Variants in RBM46 observed in about 807,000 individuals in gnomAD.
The protein encoded by RBM46 is probable RNA-binding protein 46.
In RBM46, 12 loss-of-function variants were observed where a neutral mutation model predicts 43.3. That is an observed-to-expected ratio of 0.28 (90% CI 0.18 to 0.45). The LOEUF (loss-of-function observed/expected upper bound fraction) is 0.45, where lower values mean the gene tolerates loss of function less well. Among genes scored for constraint, RBM46 ranks in the 20% least tolerant of loss-of-function variants. The probability of loss-of-function intolerance (pLI) is 1.00; values close to 1 mark genes in which losing one functional copy is unlikely to be tolerated. For synonymous variants in RBM46, 205 were observed against 207.6 expected (o/e 0.99, Z 0.11); for missense variants, 412 against 639.1 (o/e 0.64, Z 3.83).
In RBM46 at chr4:154,790,957, G is replaced by A. The variant is rs572529677; in HGVS notation, c.-11-5785G>A. ...GCTGAATTTCAACCGACAATAGCAT[G>A]CAGCTTTGTAGAACACCATTGTGCT... On this transcript the variant is annotated intron_variant, in intron 1 of 4. Transcript: ENST00000281722. 3.3e-5 allele frequency among the ~76,000 whole-genome samples: 5 copies of A among 152,338 alleles called. No homozygotes were observed. The South Asian group carries it at 1.0e-3, about 32-fold the overall frequency.
chr4:154,784,020 T>C (rs1327839876), intron 1 of RBM46, among the ~76,000 whole-genome samples: 2 of 152,144 alleles, frequency 1.3e-5, no homozygotes. Context: ...TGGCAACCAT[T>C]GACCTGGCAA....
At chr4:154,806,416 A>C (rs1368214322) in intron 4 of RBM46, among the ~76,000 whole-genome samples, 1 of 151,800 alleles carries the variant, frequency 6.6e-6, no homozygotes, top group Non-Finnish European at 1.5e-5. Context: ...TTATTTAGTA[A>C]GTTTTAAGGA....
intron 1 of RBM46, among the ~76,000 whole-genome samples, chr4:154,785,881 A>G (rs1232959985): frequency 6.6e-6 from 1 of 152,146 alleles, no homozygotes; most frequent in African/African-American, 2.4e-5. Context: ...TCTTGTCTAC[A>G]GTATTGGAGG....
At chr4:154,821,703 A>G (rs1002708112) in intron 4 of RBM46, among the ~76,000 whole-genome samples, 1 of 151,582 alleles carries the variant, frequency 6.6e-6, no homozygotes, top group Non-Finnish European at 1.5e-5. Flanking sequence ...TTGAGTTTTT[A>G]ATTGCTGTGG....
In RBM46 at chr4:154,828,240, T is replaced by C. The variant is rs1736059894; in HGVS notation, c.*173T>C. The C allele has an allele frequency of 1.7e-6, 1 of 591,810 alleles. No individual in the cohort carries two copies. The highest frequency in any genetic ancestry group is 3.0e-6 in the Non-Finnish European group (1 of 337,570). 36.7% of individuals were successfully genotyped at this position (591,810 alleles called of 1,614,324 possible). On this transcript the variant is annotated 3_prime_UTR_variant, in exon 5 of 5. Coordinates refer to ENST00000281722, the MANE Select transcript of RBM46 (RefSeq NM_144979.5). Reference sequence around the variant, plus strand: ...CAGAATAACATGGAGTTGTAGAATTTATAAAAATGCAAAGTTTAAAAAGTT... The same window carrying C: ...CAGAATAACATGGAGTTGTAGAATTCATAAAAATGCAAAGTTTAAAAAGTT...
intron 1 of RBM46, among the ~76,000 whole-genome samples, chr4:154,783,137 A>G (rs188035646): frequency 1.6e-4 from 25 of 152,322 alleles, no homozygotes; most frequent in Admixed American, 6.5e-4. Flanking sequence ...TTGCATCTTT[A>G]TAGACATAAA....
intron 4 of RBM46, among the ~76,000 whole-genome samples, chr4:154,812,485 GAT>G (rs1368576022): frequency 6.6e-6 from 1 of 152,262 alleles, no homozygotes; most frequent in African/African-American, 2.4e-5. Flanking sequence ...GGTGGCAGAT[GAT>G]ATATGTCTTT....
At chr4:154,814,942 G>A (rs779519104) in intron 4 of RBM46, among the ~76,000 whole-genome samples, 1 of 150,582 alleles carries the variant, frequency 6.6e-6, no homozygotes, top group Non-Finnish European at 1.5e-5. Context: ...GGACTATGTC[G>A]GTATAACTCA....
At chr4:154,788,946 T>C (rs1401906189) in intron 1 of RBM46, among the ~76,000 whole-genome samples, 1 of 152,104 alleles carries the variant, frequency 6.6e-6, no homozygotes, top group Non-Finnish European at 1.5e-5. Flanking sequence ...TTTGAAGCAA[T>C]TGTGAATTGC....
At chr4:154,827,303 T>C (rs1298271823) in intron 4 of RBM46, 3 of 950,794 alleles carry the variant, frequency 3.2e-6, no homozygotes, top group South Asian at 4.9e-5. Context: ...TATACTGTTT[T>C]ATCATACCAG....
At chr4:154,806,949 C>G (rs1734936243) in intron 4 of RBM46, among the ~76,000 whole-genome samples, 1 of 151,698 alleles carries the variant, frequency 6.6e-6, no homozygotes, top group Non-Finnish European at 1.5e-5. Context: ...CTTCATAAAT[C>G]TATTTGATCA....
At chr4:154,820,505 T>C in intron 4 of RBM46, 2 of 745,350 alleles carry the variant, frequency 2.7e-6, no homozygotes, top group South Asian at 2.3e-5. Flanking sequence ...AATTGTTCTT[T>C]ATAATGAAAA....
intron 1 of RBM46, among the ~76,000 whole-genome samples, chr4:154,786,938 A>G (rs1733803302): frequency 6.6e-6 from 1 of 152,166 alleles, no homozygotes; most frequent in Admixed American, 6.5e-5. Flanking sequence ...GAAAACAAAA[A>G]CAATAACTGT....
chr4:154,826,116 A>G (rs156559), intron 4 of RBM46, among the ~76,000 whole-genome samples: 4,845 of 151,670 alleles, frequency 0.032, 278 homozygotes, highest in African/African-American at 0.11. Context: ...GTTTATACTC[A>G]ATACCAAACC....
chr4:154,821,243 G>T (rs1398624257), intron 4 of RBM46, among the ~76,000 whole-genome samples: 1 of 151,730 alleles, frequency 6.6e-6, no homozygotes, highest in Admixed American at 6.6e-5. Context: ...TCAAATAAGT[G>T]ATACCAGTCT....
chr4:154,810,406 A>G (rs12511123), intron 4 of RBM46, among the ~76,000 whole-genome samples: 34,087 of 152,076 alleles, frequency 0.22, 4,266 homozygotes, highest in Middle Eastern at 0.3. Flanking sequence ...TGGAAACGCC[A>G]TAATATGTAA....
chr4:154,810,477 A>C lies in RBM46; in HGVS notation c.1402+10913A>C, dbSNP rs1450846720. On this transcript the variant is annotated intron_variant, in intron 4 of 4. Coordinates refer to ENST00000281722, the MANE Select transcript of RBM46 (RefSeq NM_144979.5). ...TAGTGTGTAAATACTAATACAGAGGAAATGTGATTGCAGTTTTCAAATGTT... is the reference window on the plus strand; with the variant it reads ...TAGTGTGTAAATACTAATACAGAGGCAATGTGATTGCAGTTTTCAAATGTT... Among the ~76,000 whole-genome samples, 3 of 148,864 alleles carry C rather than the reference A, an allele frequency of 2.0e-5. No homozygotes were observed. The East Asian group carries it at 5.8e-4, about 29-fold the overall frequency.
intron 1 of RBM46, among the ~76,000 whole-genome samples, chr4:154,788,944 AATTGTGAATTGCTTCACATG>A (rs1174784921): frequency 1.4e-4 from 22 of 152,174 alleles, no homozygotes; most frequent in Non-Finnish European, 1.0e-4. Context: ...TCTTTGAAGC[AATTGTGAATTGCTTCACATG>A]ATTTGGCTCT....
chr4:154,819,144 G>A (rs534019456), intron 4 of RBM46, among the ~76,000 whole-genome samples: 1 of 152,234 alleles, frequency 6.6e-6, no homozygotes, highest in East Asian at 1.9e-4. Context: ...GAGACAATTT[G>A]AAGGCTAGCA....
Sources: allele counts gnomAD v4.1 joint callset (sites outside exome capture counted in the v4.1 genomes callset), GRCh38; gene constraint gnomAD v4.1.1; transcripts MANE v1.5; gene names NCBI Gene and HGNC (gene_info 2026-07-23, HGNC 2026-07-21).